PHTF2: variants seen among roughly 807,000 people sequenced by gnomAD.
The protein encoded by PHTF2 is protein PHTF2.
Under a neutral mutation model 101.2 loss-of-function variants are expected in PHTF2, and 60 were observed. The ratio of observed to expected loss-of-function variants is 0.59; its 90% confidence interval spans 0.48 to 0.73. PHTF2 has a LOEUF of 0.73. Among genes scored for constraint, PHTF2 ranks in the 30% least tolerant of loss-of-function variants. The pLI is 0.00. For synonymous variants in PHTF2, 311 were observed against 307.3 expected (o/e 1.01, Z -0.13); for missense variants, 747 against 908.7 (o/e 0.82, Z 2.29).
chr7:77,954,851 T>G lies in PHTF2; in HGVS notation c.2338-7T>G, dbSNP rs752621503. On this transcript the variant is annotated splice_region_variant and splice_polypyrimidine_tract_variant and intron_variant, in intron 19 of 19. Coordinates refer to ENST00000416283, the Ensembl canonical transcript of PHTF2. ...GCTTGTCACCACTTCTATTTTTTTT[T>G]TTCTAGCTATGGAAGATTAAGTCAT... The G allele has an allele frequency of 6.7e-7, 1 of 1,500,066 alleles. No individual in the cohort carries two copies. The highest frequency in any genetic ancestry group is 9.2e-7 in the Non-Finnish European group (1 of 1,090,356). 92.9% of individuals were successfully genotyped at this position (1,500,066 alleles called of 1,614,324 possible). A position where few individuals can be genotyped will look rare whatever the true frequency, so the allele number is the denominator to read the frequency against.
intron 13 of PHTF2, 37 bp from the exon 13 acceptor site, chr7:77,939,993 A>G: frequency 6.7e-7 from 1 of 1,482,800 alleles, no homozygotes. Context: ...GTATAATTTT[A>G]TTTTTCTTTT....
intron 3 of PHTF2, among the ~76,000 whole-genome samples, chr7:77,876,089 G>A (rs1218760557): frequency 6.6e-6 from 1 of 152,136 alleles, no homozygotes; most frequent in African/African-American, 2.4e-5. Context: ...CATAGTATCT[G>A]CACTCTTTAC....
intron 9 of PHTF2, among the ~76,000 whole-genome samples, chr7:77,917,304 C>T (rs1354731948): frequency 6.6e-6 from 1 of 152,112 alleles, no homozygotes; most frequent in Non-Finnish European, 1.5e-5. Flanking sequence ...TCCTCTGTCC[C>T]AGCCTAGAAT....
At chr7:77,813,482 G>T (rs1476918592) in intron 1 of PHTF2, among the ~76,000 whole-genome samples, 1 of 152,170 alleles carries the variant, frequency 6.6e-6, no homozygotes, top group Non-Finnish European at 1.5e-5. Flanking sequence ...AAGATGATTG[G>T]ATTAAAGAGA....
At chr7:77,848,884 A>G (rs995271587) in intron 2 of PHTF2, among the ~76,000 whole-genome samples, 1 of 152,168 alleles carries the variant, frequency 6.6e-6, no homozygotes, top group African/African-American at 2.4e-5. Context: ...ATTTTTGTAT[A>G]TGATGAGAGA....
At chr7:77,858,917 G>A (rs1190508262) in intron 3 of PHTF2, among the ~76,000 whole-genome samples, 1 of 152,114 alleles carries the variant, frequency 6.6e-6, no homozygotes, top group Non-Finnish European at 1.5e-5. Flanking sequence ...TAAAACAATA[G>A]AAGTTTATTT....
chr7:77,887,343 G>A lies in PHTF2; in HGVS notation c.148-6265G>A, dbSNP rs11489512. ...ATCTGTTTGATATTACTAAATTCCA[G>A]TATCTCAATTTCTTTTTTTTTTTCC... On this transcript the variant is annotated intron_variant, in intron 3 of 19. Coordinates refer to ENST00000416283, the Ensembl canonical transcript of PHTF2. 5.0e-3 allele frequency among the ~76,000 whole-genome samples: 763 copies of A among 151,228 alleles called. 8 individuals are homozygous for A. The highest frequency in any genetic ancestry group is 0.018 in the African/African-American group (743 of 41,156).
chr7:77,836,975 A>C (rs1255824374), intron 1 of PHTF2, among the ~76,000 whole-genome samples: 1 of 92,064 alleles, frequency 1.1e-5, no homozygotes, highest in Non-Finnish European at 2.0e-5. Context: ...TAAAAAAAGC[A>C]AAAAAAAAAA....
chr7:77,834,401 A>T (rs1431896049), intron 1 of PHTF2, among the ~76,000 whole-genome samples: 3 of 152,116 alleles, frequency 2.0e-5, no homozygotes, highest in Non-Finnish European at 4.4e-5. Flanking sequence ...AATAACATAA[A>T]CTGTTGATTG....
intron 3 of PHTF2, among the ~76,000 whole-genome samples, chr7:77,893,272 G>A (rs1584621758): frequency 6.6e-6 from 1 of 151,954 alleles, no homozygotes; most frequent in South Asian, 2.1e-4. Flanking sequence ...CCTCCCTCAA[G>A]TAGGCCCTAG....
chr7:77,886,888 A>G (rs745896617), intron 3 of PHTF2, among the ~76,000 whole-genome samples: 2 of 151,946 alleles, frequency 1.3e-5, no homozygotes, highest in Non-Finnish European at 2.9e-5. Flanking sequence ...TCTACAAGAC[A>G]TAAAAATTTA....
At chr7:77,829,324 A>C (rs1446414170) in intron 1 of PHTF2, among the ~76,000 whole-genome samples, 2 of 152,236 alleles carry the variant, frequency 1.3e-5, no homozygotes, top group East Asian at 3.8e-4. Context: ...CCCAAAGTAC[A>C]CAGACTATGC....
intron 3 of PHTF2, among the ~76,000 whole-genome samples, chr7:77,892,945 G>A (rs1329694022): frequency 6.6e-6 from 1 of 152,048 alleles, no homozygotes; most frequent in Non-Finnish European, 1.5e-5. Flanking sequence ...ATTAGTACTT[G>A]TCTTCTTTAA....
intron 16 of PHTF2, among the ~76,000 whole-genome samples, chr7:77,949,383 G>A (rs1240493815): frequency 6.6e-6 from 1 of 151,986 alleles, no homozygotes; most frequent in Non-Finnish European, 1.5e-5. Context: ...GGGTGGGAAG[G>A]GGAAGAAAAA....
At chr7:77,863,865 C>T (rs1480628791) in intron 3 of PHTF2, among the ~76,000 whole-genome samples, 1 of 150,268 alleles carries the variant, frequency 6.7e-6, no homozygotes, top group Non-Finnish European at 1.5e-5. Context: ...TGGCTCACTG[C>T]AGCTTCAACA....
At chr7:77,911,495 T>C (rs755732690) in intron 9 of PHTF2, among the ~76,000 whole-genome samples, 7 of 152,138 alleles carry the variant, frequency 4.6e-5, no homozygotes, top group Non-Finnish European at 7.4e-5. Context: ...GTTAAAAGGC[T>C]ATGATCAAAA....
At chr7:77,829,262 A>C (rs963654340) in intron 1 of PHTF2, among the ~76,000 whole-genome samples, 1 of 152,170 alleles carries the variant, frequency 6.6e-6, no homozygotes, top group African/African-American at 2.4e-5. Flanking sequence ...GGGTATAGAG[A>C]GATGTTACTT....
intron 7 of PHTF2, among the ~76,000 whole-genome samples, chr7:77,905,445 T>A (rs1368358393): frequency 6.6e-6 from 1 of 152,028 alleles, no homozygotes; most frequent in Non-Finnish European, 1.5e-5. Context: ...TTGCCCAGGC[T>A]GGTCTTGAAC....
At chr7:77,928,588 C>T (rs1227031016) in intron 11 of PHTF2, among the ~76,000 whole-genome samples, 1 of 152,144 alleles carries the variant, frequency 6.6e-6, no homozygotes. Flanking sequence ...TCCAAGGATT[C>T]TCAAATCTCA....
Sources: gnomAD v4.1 joint callset for allele counts (sites outside exome capture counted in the v4.1 genomes callset) on GRCh38, gnomAD v4.1.1 for gene constraint, MANE v1.5 for transcripts, NCBI Gene and HGNC (gene_info 2026-07-23, HGNC 2026-07-21) for gene names.